The following VTI1A variants were observed in gnomAD, a reference collection of about 807,000 sequenced individuals.
VTI1A encodes vesicle transport through interaction with t-SNAREs homolog 1A.
A neutral mutation model predicts 34.9 loss-of-function variants in VTI1A; 22 were observed. The observed-to-expected ratio is 0.63, with a 90% CI of 0.45 to 0.90. The LOEUF is 0.90. Ranked by LOEUF, VTI1A falls within the 40% of genes least tolerant of loss-of-function variation. The probability of loss-of-function intolerance (pLI) is 0.00; values close to 1 mark genes in which losing one functional copy is unlikely to be tolerated. For missense variants in VTI1A, 268 were observed against 275.6 expected, an observed-to-expected ratio of 0.97 and a Z score of 0.20; for synonymous variants, 87 against 97.3, an observed-to-expected ratio of 0.89 and a Z score of 0.62.
chr10:112,813,575 G>GA (rs886690159), intron 7 of VTI1A, among the ~76,000 whole-genome samples: 6 of 152,248 alleles, frequency 3.9e-5, no homozygotes, highest in African/African-American at 1.2e-4. Flanking sequence ...AGAAAAGGGG[G>GA]AAAAAATCAA....
At chr10:112,844,316 A>C in the VTI1A span, among the ~76,000 whole-genome samples, 1 of 152,070 alleles carries the variant, frequency 6.6e-6, no homozygotes, top group Non-Finnish European at 1.5e-5. Flanking sequence ...GCAAATCTCC[A>C]TCTTAACTTC....
chr10:112,668,197 C>T (rs1180168472), intron 5 of VTI1A, 21 bp from the exon 6 acceptor site: 1 of 1,609,698 alleles, frequency 6.2e-7, no homozygotes, highest in South Asian at 1.1e-5. Flanking sequence ...TTTTTCCTCA[C>T]TCAAATTTTC....
intron 5 of VTI1A, among the ~76,000 whole-genome samples, chr10:112,565,190 G>T (rs1450196591): frequency 6.6e-6 from 1 of 152,084 alleles, no homozygotes; most frequent in Non-Finnish European, 1.5e-5. Context: ...GCCTAATACA[G>T]TTGTTAAATT....
chr10:112,647,216 C>T (rs1846829895), intron 5 of VTI1A, among the ~76,000 whole-genome samples: 1 of 152,204 alleles, frequency 6.6e-6, no homozygotes, highest in African/African-American at 2.4e-5. Flanking sequence ...GCCCACCCCA[C>T]TCTGTCCTTA....
intron 5 of VTI1A, among the ~76,000 whole-genome samples, chr10:112,620,905 A>G (rs1845709752): frequency 6.6e-6 from 1 of 152,188 alleles, no homozygotes; most frequent in Non-Finnish European, 1.5e-5. Context: ...GTGCCTTAGA[A>G]TTGGTGTTAG....
At chr10:112,658,206 G>A (rs1847307672) in intron 5 of VTI1A, among the ~76,000 whole-genome samples, 1 of 152,074 alleles carries the variant, frequency 6.6e-6, no homozygotes, top group Admixed American at 6.6e-5. Flanking sequence ...TCCCGCCTTA[G>A]CCTCCCAAGA....
the VTI1A span, among the ~76,000 whole-genome samples, chr10:112,847,342 T>C: frequency 6.6e-6 from 1 of 152,260 alleles, no homozygotes; most frequent in South Asian, 2.1e-4. Context: ...CCAAGAGGCC[T>C]CAGGCACTTC....
intron 7 of VTI1A, among the ~76,000 whole-genome samples, chr10:112,782,343 G>T (rs551985294): frequency 4.6e-5 from 7 of 152,398 alleles, no homozygotes; most frequent in South Asian, 2.1e-4. Context: ...CACTGGAAAA[G>T]GATGTTGCAA....
intron 7 of VTI1A, among the ~76,000 whole-genome samples, chr10:112,771,440 A>G (rs915157866): frequency 6.6e-6 from 1 of 152,250 alleles, no homozygotes; most frequent in African/African-American, 2.4e-5. Context: ...GGGAGGGAAC[A>G]GGAGAAAGGG....
intron 7 of VTI1A, among the ~76,000 whole-genome samples, chr10:112,771,147 C>T (rs1564919150): frequency 6.6e-6 from 1 of 152,198 alleles, no homozygotes; most frequent in Non-Finnish European, 1.5e-5. Flanking sequence ...GACCTGGGTT[C>T]AAACCCAGGC....
chr10:112,551,421 G>A (rs989149296), intron 5 of VTI1A, among the ~76,000 whole-genome samples: 5 of 152,066 alleles, frequency 3.3e-5, no homozygotes, highest in African/African-American at 1.2e-4. Context: ...ATTGGATGTG[G>A]ACTGGACTTC....
chr10:112,625,504 G>T (rs187563136), intron 5 of VTI1A, among the ~76,000 whole-genome samples: 2,398 of 152,146 alleles, frequency 0.016, 62 homozygotes, highest in African/African-American at 0.054. Context: ...GCCGGGCATG[G>T]CGGCACATGC....
chr10:112,447,136 G>T, upstream of VTI1A: 3 of 524,788 alleles, frequency 5.7e-6, no homozygotes, highest in Non-Finnish European at 3.5e-6. Context: ...CTTTTCCTTT[G>T]CGAACTTACT....
At chr10:112,495,304 AG>A (rs1343593253) in intron 3 of VTI1A, among the ~76,000 whole-genome samples, 1 of 150,266 alleles carries the variant, frequency 6.7e-6, no homozygotes, top group East Asian at 2.0e-4. Context: ...ACAATTGCCC[AG>A]GTACCTGTAC....
intron 5 of VTI1A, among the ~76,000 whole-genome samples, chr10:112,631,661 T>C (rs192200143): frequency 6.6e-6 from 1 of 152,342 alleles, no homozygotes; most frequent in East Asian, 1.9e-4. Context: ...ATTAACTCCC[T>C]GAAAGCCTGA....
At chr10:112,648,045 C>G (rs907594015) in intron 5 of VTI1A, among the ~76,000 whole-genome samples, 14 of 152,218 alleles carry the variant, frequency 9.2e-5, no homozygotes, top group African/African-American at 3.4e-4. Context: ...GCTGGGATTA[C>G]AGGCGTGAGC....
rs564191278 is a variant in VTI1A at position 112,653,916 on chromosome 10, C to G, written c.428-14302C>G. On this transcript the variant is annotated intron_variant, in intron 5 of 7. Coordinates refer to ENST00000393077, the MANE Select transcript of VTI1A (RefSeq NM_145206.4). ...GTAAAAGACTCAGTTTTAGTGGTTC[C>G]CTAGTAAAGTCTATTCAGATATAAT... Among the ~76,000 whole-genome samples the G allele has an allele frequency of 4.6e-5, 7 of 152,210 alleles. No homozygotes were observed. The South Asian group carries it at 1.5e-3, about 32-fold the overall frequency.
At position 112,759,579 on chromosome 10, in the gene VTI1A, A is replaced by C. The variant is rs138287815; in HGVS notation, c.561-55711A>C. 8.2e-3 allele frequency among the ~76,000 whole-genome samples: 1,248 copies of C among 152,324 alleles called. 11 individuals carry two copies. The highest frequency in any genetic ancestry group is 0.014 in the Admixed American group (210 of 15,304). The stretch of plus-strand genomic sequence containing the variant: ...AGTTCAATTGCAAAACACTTTTCAA[A>C]CAAGCTTCTTTTCTCCAGTCTCCAG... On this transcript the variant is annotated intron_variant, in intron 7 of 7. Coordinates refer to ENST00000393077, the MANE Select transcript of VTI1A (RefSeq NM_145206.4).
intron 5 of VTI1A, among the ~76,000 whole-genome samples, chr10:112,665,684 G>A (rs1363975384): frequency 6.6e-6 from 1 of 152,096 alleles, no homozygotes; most frequent in African/African-American, 2.4e-5. Flanking sequence ...TTTCCCCTCG[G>A]CGAACCTGAT....
Sources: gnomAD v4.1 joint callset for allele counts (sites outside exome capture counted in the v4.1 genomes callset) on GRCh38, gnomAD v4.1.1 for gene constraint, MANE v1.5 for transcripts, NCBI Gene and HGNC (gene_info 2026-07-23, HGNC 2026-07-21) for gene names.